APEH: variants seen among roughly 807,000 people sequenced by gnomAD.
APEH encodes the protein acylamino-acid-releasing enzyme.
A neutral mutation model predicts 102.7 loss-of-function variants in APEH; 75 were observed. That is an observed-to-expected ratio of 0.73 (90% CI 0.61 to 0.89). The LOEUF (loss-of-function observed/expected upper bound fraction) is 0.89, where lower values mean the gene tolerates loss of function less well. Ranked by LOEUF, APEH falls within the 40% of genes least tolerant of loss-of-function variation. The probability of loss-of-function intolerance (pLI) is 0.00; values close to 1 mark genes in which losing one functional copy is unlikely to be tolerated. For missense variants in APEH, 863 were observed against 941.2 expected (o/e 0.92, Z 1.09); for synonymous variants, 344 against 362.7 (o/e 0.95, Z 0.59).
In APEH at chr3:49,683,841, AG is replaced by A. The variant is rs1448298640; in HGVS notation, c.*501del. On this transcript the variant is annotated 3_prime_UTR_variant, in exon 22 of 22. Transcript: ENST00000296456. The stretch of plus-strand genomic sequence containing the variant: ...CATTGCCTTGGTTGGGGAAGCCCCT[AG>A]GCTGGACAGATCACCTAGCCCAGGG... 4 of 865,338 alleles carry A rather than the reference AG, an allele frequency of 4.6e-6. No homozygotes were observed. In the Admixed American group the frequency reaches 8.8e-5, roughly 19 times the overall value. The allele number at this position is 865,338 out of a possible 1,614,324, so 53.6% of individuals were successfully genotyped here. A position where few individuals can be genotyped will look rare whatever the true frequency, so the allele number is the denominator to read the frequency against.
intron 4 of APEH, 48 bp downstream of exon 4, chr3:49,675,835 C>T (rs769710824): frequency 1.2e-6 from 2 of 1,611,676 alleles, no homozygotes; most frequent in African/African-American, 1.3e-5. Context: ...AGAGGCTCTG[C>T]CCCACAGATA....
At chr3:49,675,824 G>A in intron 4 of APEH, 37 bp downstream of exon 4, 1 of 1,612,876 alleles carries the variant, frequency 6.2e-7, no homozygotes, top group Non-Finnish European at 8.5e-7. Context: ...GGTGACAAGA[G>A]AGAGGCTCTG....
Position 49,678,888 on chromosome 3 carries a change from T to G in APEH, c.1097T>G (p.Leu366Trp). 6.2e-7 allele frequency: 1 copy of G among 1,613,948 alleles called. No individual in the cohort carries two copies. Among genetic ancestry groups the G allele is most frequent in the Non-Finnish European group, 8.5e-7 (1 of 1,179,956 alleles). The change falls in exon 12 of 22, where the codon TTG becomes TGG. Residue 366 changes from leucine (L) to tryptophan (W), a missense_variant. By Grantham distance (61) the Leu-to-Trp change is moderately conservative (BLOSUM62 -2). Transcript: ENST00000296456. ...FSGIYCSLLP[L>W]GCWSADSQRV... ...GGGATCTACTGCAGCCTTCTGCCTTTGGGATGCTGGTCAGCTGACAGCCAG... is the reference window on the plus strand; with the variant it reads ...GGGATCTACTGCAGCCTTCTGCCTTGGGGATGCTGGTCAGCTGACAGCCAG...
intron 5 of APEH, 42 bp from the exon 6 acceptor site, chr3:49,676,014 C>A: frequency 6.2e-7 from 1 of 1,614,138 alleles, no homozygotes; most frequent in South Asian, 1.1e-5. Flanking sequence ...GAGGGGTAGC[C>A]GTAGCCCTGG....
chr3:49,674,389 CAG>C lies in APEH; in HGVS notation c.-8_-7del. The C allele has an allele frequency of 6.4e-7, 1 of 1,572,594 alleles. No homozygotes were observed. Among genetic ancestry groups the C allele is most frequent in the Non-Finnish European group, 8.6e-7 (1 of 1,166,010 alleles). Reference sequence around the variant, plus strand: ...AGCACGCCCCGCCTCGCCCCGGCGGCAGAGAGGAGACTATGGAACGTCAGGTG... The same window carrying C: ...AGCACGCCCCGCCTCGCCCCGGCGGCAGAGGAGACTATGGAACGTCAGGTG... On this transcript the variant is annotated 5_prime_UTR_variant, in exon 1 of 22. Coordinates refer to ENST00000296456, the MANE Select transcript of APEH (RefSeq NM_001640.4).
intron 14 of APEH, 118 bp from the exon 15 acceptor site, chr3:49,680,983 C>A: frequency 7.5e-7 from 1 of 1,326,332 alleles, no homozygotes; most frequent in Non-Finnish European, 1.0e-6. Context: ...CATGCTGTAC[C>A]TTCTGGAGGT....
chr3:49,683,221 T>C lies in APEH; in HGVS notation c.2094-16T>C. ...AGGACCCTCCAACCTTAAATGTTGC[T>C]GACTAATCCCTACAGGCTCCTGCTC... On this transcript the variant is annotated splice_polypyrimidine_tract_variant and intron_variant, in intron 21 of 21. Coordinates refer to ENST00000296456, the MANE Select transcript of APEH (RefSeq NM_001640.4). 6.2e-7 allele frequency: 1 copy of C among 1,611,956 alleles called. No individual in the cohort carries two copies. Among genetic ancestry groups the C allele is most frequent in the Non-Finnish European group, 8.5e-7 (1 of 1,178,036 alleles).
intron 11 of APEH, among the ~76,000 whole-genome samples, chr3:49,678,494 G>A (rs1351487934): frequency 1.3e-5 from 2 of 152,180 alleles, no homozygotes; most frequent in African/African-American, 4.8e-5. Context: ...AAGCACCACA[G>A]TGGAGATAAG....
upstream of APEH, among the ~76,000 whole-genome samples, chr3:49,673,638 C>T (rs1019924975): frequency 1.3e-5 from 2 of 152,170 alleles, no homozygotes; most frequent in African/African-American, 4.8e-5. Flanking sequence ...CCGCCCGGAC[C>T]CTGGCCCTTC....
rs778184432 is a variant in APEH at position 49,675,206 on chromosome 3, C to T, written c.169C>T (p.Arg57Cys). Residue 57 changes from arginine (R) to cysteine (C), a missense_variant, in exon 3 of 22, where the codon CGC (arginine) becomes TGC (cysteine). Physicochemically the swap from Arg to Cys is radical, Grantham distance 180 (BLOSUM62 -3). Coordinates refer to ENST00000296456, the MANE Select transcript of APEH (RefSeq NM_001640.4). ...HTEWTQRDLERMENIRFCRQY... is the reference protein window; with the variant it reads ...HTEWTQRDLECMENIRFCRQY... ...AGAGTGGACCCAGAGGGACCTGGAA[C>T]GCATGGAGAACATTCGATTCTGCCG... The T allele has an allele frequency of 6.2e-7, 1 of 1,614,042 alleles. No homozygotes were observed. Among genetic ancestry groups the T allele is most frequent in the South Asian group, 1.1e-5 (1 of 91,076 alleles).
rs2108129633 is a variant in APEH at position 49,682,369 on chromosome 3, G to A, written c.1625G>A (p.Gly542Asp). 6.2e-7 allele frequency: 1 copy of A among 1,613,814 alleles called. No homozygotes were observed. Reference protein sequence around the residue: ...VLLVNYRGSTGFGQDSILSLP... With the variant: ...VLLVNYRGSTDFGQDSILSLP... ...TCAGTGAACTATCGTGGCTCCACGG[G>A]CTTTGGCCAGGACAGCATCCTCTCC... The change falls in exon 18 of 22, where the codon GGC becomes GAC. Residue 542 changes from glycine to aspartate, a missense_variant. Physicochemically the swap from Gly to Asp is moderately conservative, Grantham distance 94. Transcript: ENST00000296456.
Position 49,678,945 on chromosome 3 carries a change from G to A in APEH, c.1154G>A (p.Arg385Gln), listed in dbSNP as rs145125345. Reference protein sequence around the residue: ...RVVFDSAQRSRQDLFAVDTQV... With the variant: ...RVVFDSAQRSQQDLFAVDTQV... ...GTCTTTGACTCGGCTCAGCGCAGCCGGCAGGTGAGGGACGCTGATTGTGTT... is the reference window on the plus strand; with the variant it reads ...GTCTTTGACTCGGCTCAGCGCAGCCAGCAGGTGAGGGACGCTGATTGTGTT... Residue 385 changes from arginine to glutamine, a missense_variant, in exon 12 of 22, where the codon CGG becomes CAG. By Grantham distance (43) the Arg-to-Gln change is conservative. Transcript: ENST00000296456. 211 of 1,612,970 alleles carry A rather than the reference G, an allele frequency of 1.3e-4. No individual in the cohort carries two copies. The highest frequency in any genetic ancestry group is 1.7e-4 in the Non-Finnish European group (206 of 1,179,538).
chr3:49,679,502 C>A lies in APEH; in HGVS notation c.1159-91C>A. On this transcript the variant is annotated intron_variant, in intron 12 of 21. Transcript: ENST00000296456. The surrounding 1 kb of genome is among the most constrained non-coding windows in gnomAD (Gnocchi z 4.3). ...CAGCCTTGGTCTGGCCAGGGCTCTC[C>A]AAGAGGGTAGAGAGGAGGTAGGGGA... is the stretch of plus-strand genomic sequence containing the variant. 1.4e-6 allele frequency: 2 copies of A among 1,401,934 alleles called. No homozygotes were observed. Among genetic ancestry groups the A allele is most frequent in the Non-Finnish European group, 2.0e-6 (2 of 993,210 alleles). The allele number at this position is 1,401,934 out of a possible 1,614,324, so 86.8% of individuals were successfully genotyped here. A position where few individuals can be genotyped will look rare whatever the true frequency, so the allele number is the denominator to read the frequency against.
intron 3 of APEH, 21 bp from the exon 4 acceptor site, chr3:49,675,673 T>A (rs1482286413): frequency 3.1e-6 from 5 of 1,601,454 alleles, no homozygotes; most frequent in Non-Finnish European, 4.3e-6. Context: ...AATCCTGACC[T>A]GTGCTACCCC....
chr3:49,677,110 C>A, intron 10 of APEH, 86 bp downstream of exon 10: 2 of 1,570,796 alleles, frequency 1.3e-6, no homozygotes, highest in Non-Finnish European at 1.7e-6. Flanking sequence ...ATCATCTCCC[C>A]ATAGGCCCTC....
intron 20 of APEH, 35 bp downstream of exon 20, chr3:49,682,980 A>G: frequency 1.2e-6 from 2 of 1,611,232 alleles, no homozygotes; most frequent in Non-Finnish European, 1.7e-6. Context: ...TGTGCTGCCC[A>G]TCCATCCAGA....
rs1575473661 is a variant in APEH at position 49,679,071 on chromosome 3, A to C, written c.1158+122A>C. The C allele has an allele frequency of 1.3e-6, 1 of 759,138 alleles. No individual in the cohort carries two copies. 47.0% of individuals were successfully genotyped at this position (759,138 alleles called of 1,614,324 possible). ...CACAAAGTCTCATCAGCCCCTTAAA[A>C]CCCTGCCTGCCCATCCTGGACTCAT... is the stretch of plus-strand genomic sequence containing the variant. On this transcript the variant is annotated intron_variant, in intron 12 of 21. Transcript: ENST00000296456. The surrounding 1 kb of genome is among the most constrained non-coding windows in gnomAD (Gnocchi z 4.3).
chr3:49,682,542 G>T lies in APEH; in HGVS notation c.1693-4G>T. 1.9e-6 allele frequency: 3 copies of T among 1,614,060 alleles called. No homozygotes were observed. Among genetic ancestry groups the T allele is most frequent in the Non-Finnish European group, 2.5e-6 (3 of 1,179,962 alleles). On this transcript the variant is annotated splice_polypyrimidine_tract_variant and splice_region_variant and intron_variant, in intron 18 of 21. Transcript: ENST00000296456. ...GCTGCAGCATGCTTTGTCCCACCCT[G>T]CAGTTTGCAGTGGAACAGGTGCTCC...
At chr3:49,673,299 C>A (rs1200576941), upstream of APEH, among the ~76,000 whole-genome samples, 2 of 151,890 alleles carry the variant, frequency 1.3e-5, no homozygotes, top group Admixed American at 1.3e-4. Context: ...CTCTCCTGAT[C>A]TCTGTTGGCA....
Sources: allele counts gnomAD v4.1 joint callset (sites outside exome capture counted in the v4.1 genomes callset), GRCh38; gene constraint gnomAD v4.1.1; non-coding constraint Gnocchi (gnomAD v3.1); transcripts MANE v1.5; gene names NCBI Gene and HGNC (gene_info 2026-07-23, HGNC 2026-07-21).